MGAT4C: variants seen among roughly 807,000 people sequenced by gnomAD.
MGAT4C encodes the protein MGAT4 family member C.
Under a neutral mutation model 40.1 loss-of-function variants are expected in MGAT4C, and 19 were observed. That is an observed-to-expected ratio of 0.47 (90% CI 0.33 to 0.70). The LOEUF is 0.70. Ranked by LOEUF, MGAT4C falls within the 30% of genes least tolerant of loss-of-function variation. The pLI, the probability that MGAT4C is intolerant of heterozygous loss-of-function variation, is 0.02. For missense variants in MGAT4C, 491 were observed against 563.2 expected (o/e 0.87, Z 1.30); for synonymous variants, 181 against 187.1 (o/e 0.97, Z 0.27).
intron 2 of MGAT4C, among the ~76,000 whole-genome samples, chr12:86,436,033 A>G (rs979403206): frequency 2.6e-5 from 4 of 151,914 alleles, no homozygotes; most frequent in African/African-American, 9.7e-5. Flanking sequence ...ACTCTTTATA[A>G]TGATCTAAGC....
chr12:86,316,614 T>TACAAA (rs1954239648), intron 4 of MGAT4C, among the ~76,000 whole-genome samples: 1 of 151,960 alleles, frequency 6.6e-6, no homozygotes, highest in South Asian at 2.1e-4. Context: ...TTAATGCAGG[T>TACAAA]ACAAAACAAA....
intron 3 of MGAT4C, among the ~76,000 whole-genome samples, chr12:86,351,474 A>G (rs1423493374): frequency 2.0e-5 from 3 of 152,070 alleles, no homozygotes; most frequent in South Asian, 2.1e-4. Context: ...TTATAACAAA[A>G]TAAATGGAAA....
chr12:86,556,881 T>C (rs948645301), intron 2 of MGAT4C, among the ~76,000 whole-genome samples: 1 of 152,192 alleles, frequency 6.6e-6, no homozygotes, highest in African/African-American at 2.4e-5. Context: ...GTTACATTAA[T>C]ATTATAAGAC....
chr12:86,782,802 A>C (rs1951867726), intron 1 of MGAT4C, among the ~76,000 whole-genome samples: 1 of 151,916 alleles, frequency 6.6e-6, no homozygotes, highest in Non-Finnish European at 1.5e-5. Flanking sequence ...ACGTGAAGAC[A>C]CAGTCAGAAA....
chr12:86,349,660 C>T (rs1364420529), intron 3 of MGAT4C, among the ~76,000 whole-genome samples: 2 of 152,056 alleles, frequency 1.3e-5, no homozygotes, highest in Non-Finnish European at 2.9e-5. Flanking sequence ...CTGAAAATTA[C>T]GAGCTACAAA....
At chr12:86,142,862 T>C (rs1883028447) in intron 1 of MGAT4C, among the ~76,000 whole-genome samples, 1 of 152,056 alleles carries the variant, frequency 6.6e-6, no homozygotes, top group African/African-American at 2.4e-5. Flanking sequence ...GCAACTGTAT[T>C]TGGCGATAGA....
intron 3 of MGAT4C, among the ~76,000 whole-genome samples, chr12:86,387,199 A>G (rs538551415): frequency 6.6e-6 from 1 of 152,220 alleles, no homozygotes; most frequent in South Asian, 2.1e-4. Context: ...AGTGATCCTG[A>G]GCCCACAGCA....
chr12:86,813,479 T>C (rs904555000), intron 1 of MGAT4C, among the ~76,000 whole-genome samples: 16 of 143,834 alleles, frequency 1.1e-4, no homozygotes, highest in Non-Finnish European at 2.3e-4. Context: ...ATATAACATA[T>C]GCTTTTCAAA....
rs1882835541 is a variant in MGAT4C, at chr12:85,957,136, TGTTA to T, written c.*22149_*22152del. On this transcript the variant is annotated 3_prime_UTR_variant, in exon 5 of 5. Transcript: ENST00000611864. ...CCTCATAGCAGCTCCTCTTAAAGAC[TGTTA>T]GTCAGAACTCAGTTGTTTATAAAAG... The T allele has an allele frequency of 1.3e-5, 2 of 152,182 alleles. No individual in the cohort carries two copies. The highest frequency in any genetic ancestry group is 4.1e-4 in the South Asian group (2 of 4,834). The allele number at this position is 152,182 out of a possible 1,614,324, so 9.4% of individuals were successfully genotyped here.
At chr12:86,301,275 A>G (rs1051102001) in intron 4 of MGAT4C, among the ~76,000 whole-genome samples, 3 of 152,164 alleles carry the variant, frequency 2.0e-5, no homozygotes, top group African/African-American at 7.2e-5. Context: ...ATTTATCATG[A>G]GCTCATTTAT....
chr12:86,459,055 T>C (rs1957552755), intron 2 of MGAT4C, among the ~76,000 whole-genome samples: 1 of 152,192 alleles, frequency 6.6e-6, no homozygotes, highest in Non-Finnish European at 1.5e-5. Context: ...AATTCTCTTA[T>C]GTGTATATGC....
intron 1 of MGAT4C, among the ~76,000 whole-genome samples, chr12:86,774,353 C>CTTT (rs1565981803): frequency 3.3e-4 from 6 of 18,074 alleles, no homozygotes; most frequent in Admixed American, 5.4e-4. Context: ...CTCTCTCTCT[C>CTTT]CCCTCTCTCT....
At chr12:86,066,098 G>C (rs1352788587) in intron 1 of MGAT4C, among the ~76,000 whole-genome samples, 1 of 152,046 alleles carries the variant, frequency 6.6e-6, no homozygotes, top group Non-Finnish European at 1.5e-5. Flanking sequence ...TGCTCAGGGA[G>C]AGGAAGAATC....
chr12:86,338,525 T>C (rs376932873), intron 3 of MGAT4C, among the ~76,000 whole-genome samples: 1 of 152,158 alleles, frequency 6.6e-6, no homozygotes, highest in African/African-American at 2.4e-5. Context: ...GAGCTGTTAT[T>C]GTCTTTGTTT....
At chr12:86,272,911 G>A (rs61950667) in intron 4 of MGAT4C, among the ~76,000 whole-genome samples, 12,081 of 152,070 alleles carry the variant, frequency 0.079, 682 homozygotes, top group Middle Eastern at 0.22. Context: ...TACAGATGGC[G>A]GACAAAGGAC....
chr12:86,291,221 G>T (rs1592654365), intron 4 of MGAT4C, among the ~76,000 whole-genome samples: 1 of 152,296 alleles, frequency 6.6e-6, no homozygotes, highest in East Asian at 1.9e-4. Flanking sequence ...CAAATAGTTT[G>T]CCAAGTTCTT....
chr12:86,832,846 G>A (rs1018683924), intron 1 of MGAT4C, among the ~76,000 whole-genome samples: 5 of 151,898 alleles, frequency 3.3e-5, no homozygotes, highest in Non-Finnish European at 7.4e-5. Flanking sequence ...TACTCTGGAA[G>A]GTTGCTAGTA....
At chr12:86,088,188 G>A (rs1170164554) in intron 1 of MGAT4C, among the ~76,000 whole-genome samples, 2 of 151,952 alleles carry the variant, frequency 1.3e-5, no homozygotes, top group Non-Finnish European at 2.9e-5. Flanking sequence ...GACTGAAACC[G>A]GAGCCCTTCC....
intron 4 of MGAT4C, among the ~76,000 whole-genome samples, chr12:86,291,348 C>T (rs557360722): frequency 6.6e-6 from 1 of 152,178 alleles, no homozygotes; most frequent in African/African-American, 2.4e-5. Flanking sequence ...GTAAGCTGGA[C>T]AGCCAAGAAA....
Sources: allele counts gnomAD v4.1 joint callset (sites outside exome capture counted in the v4.1 genomes callset), GRCh38; gene constraint gnomAD v4.1.1; transcripts MANE v1.5; gene names NCBI Gene and HGNC (gene_info 2026-07-23, HGNC 2026-07-21).